PLA2G4A: variants seen among roughly 807,000 people sequenced by gnomAD.
The protein encoded by PLA2G4A is cytosolic phospholipase A2.
In PLA2G4A, 40 loss-of-function variants were observed where a neutral mutation model predicts 81.9. That is an observed-to-expected ratio of 0.49 (90% CI 0.38 to 0.64). PLA2G4A has a LOEUF of 0.64. Ranked by LOEUF, PLA2G4A falls within the 30% of genes least tolerant of loss-of-function variation. The pLI, the probability that PLA2G4A is intolerant of heterozygous loss-of-function variation, is 0.00. For synonymous variants in PLA2G4A, 302 were observed against 296.9 expected, an observed-to-expected ratio of 1.02 and a Z score of -0.18; for missense variants, 715 against 905.1, an observed-to-expected ratio of 0.79 and a Z score of 2.69.
rs1361664907 is a variant in PLA2G4A, at chr1:186,870,485, C to T, written c.84C>T (p.Thr28=). Residue 28 remains threonine, a synonymous_variant, in exon 3 of 18, where the codon ACC becomes ACT. Coordinates refer to ENST00000367466, the MANE Select transcript of PLA2G4A (RefSeq NM_024420.3). Reference sequence around the variant, plus strand: ...TTACGGTAGTGGTGTTACGTGCCACCAAAGTGACAAAGGGGGCCTTTGGTG... The same window carrying T: ...TTACGGTAGTGGTGTTACGTGCCACTAAAGTGACAAAGGGGGCCTTTGGTG... ...HKFTVVVLRA[T]KVTKGAFGDM... The T allele has an allele frequency of 1.2e-6, 2 of 1,611,464 alleles. No individual in the cohort carries two copies. The highest frequency in any genetic ancestry group is 1.3e-5 in the African/African-American group (1 of 74,854).
intron 2 of PLA2G4A, among the ~76,000 whole-genome samples, chr1:186,857,833 A>G (rs1356024212): frequency 1.3e-5 from 2 of 151,930 alleles, no homozygotes; most frequent in Non-Finnish European, 2.9e-5. Flanking sequence ...GTTCCCACCT[A>G]TGAGTGAGAA....
At chr1:186,979,001 A>G (rs1657628070) in intron 16 of PLA2G4A, among the ~76,000 whole-genome samples, 1 of 152,208 alleles carries the variant, frequency 6.6e-6, no homozygotes, top group Non-Finnish European at 1.5e-5. Context: ...AACTCCCTAG[A>G]GTCTTTGGTT....
At position 186,911,383 on chromosome 1, in the gene PLA2G4A, A is replaced by C. The variant is rs920818490; in HGVS notation, c.552A>C (p.Ala184=). The C allele has an allele frequency of 6.2e-7, 1 of 1,609,082 alleles. No individual in the cohort carries two copies. The highest frequency in any genetic ancestry group is 8.5e-7 in the Non-Finnish European group (1 of 1,175,304). The part of the protein sequence containing the change: ...GPKNSEGLHS[A]RDVPVVAILG... ...AGAATAGTGAAGGATTGCATTCTGC[A>C]CGTGATGTGAGTTGGAAATTTTTCA... Residue 184 remains alanine (A), a synonymous_variant, in exon 7 of 18, where the codon GCA becomes GCC. Coordinates refer to ENST00000367466, the MANE Select transcript of PLA2G4A (RefSeq NM_024420.3).
chr1:186,929,870 T>C (rs536637376), intron 7 of PLA2G4A, among the ~76,000 whole-genome samples: 1 of 152,316 alleles, frequency 6.6e-6, no homozygotes, highest in East Asian at 1.9e-4. Context: ...GAGACAAGCC[T>C]GGGCAACATG....
intron 2 of PLA2G4A, among the ~76,000 whole-genome samples, chr1:186,867,569 T>A (rs955648349): frequency 7.2e-5 from 11 of 152,254 alleles, no homozygotes; most frequent in Non-Finnish European, 1.0e-4. Flanking sequence ...CTTGTTATAG[T>A]CACATAATTA....
At chr1:186,961,108 T>A (rs1420966991) in intron 14 of PLA2G4A, among the ~76,000 whole-genome samples, 5 of 152,118 alleles carry the variant, frequency 3.3e-5, no homozygotes, top group South Asian at 2.1e-4. Context: ...GATCTCACTG[T>A]TATGTGCAAT....
chr1:186,936,001 C>A (rs549583046), intron 8 of PLA2G4A, among the ~76,000 whole-genome samples: 1 of 151,832 alleles, frequency 6.6e-6, no homozygotes, highest in Admixed American at 6.6e-5. Context: ...CCTGGAGACC[C>A]GAAATGAGTG....
Position 186,858,815 on chromosome 1 carries a change from T to A in PLA2G4A, c.33+4428T>A, listed in dbSNP as rs566152521. Among the ~76,000 whole-genome samples, 3 of 152,170 alleles carry A rather than the reference T, an allele frequency of 2.0e-5. No homozygotes were observed. In the South Asian group the frequency reaches 6.2e-4, roughly 32 times the overall value. ...CTTAGACAGCAACTAGCATTCTAAT[T>A]TATAGCCCTTTTAAATGAAGAGATC... is the stretch of plus-strand genomic sequence containing the variant. On this transcript the variant is annotated intron_variant, in intron 2 of 17. Transcript: ENST00000367466.
rs186546957 is a variant in PLA2G4A at position 186,973,306 on chromosome 1, A to C, written c.1765-4287A>C. Reference sequence around the variant, plus strand: ...GCTCGCCTTGTGGTTGCATCTCTCCAATCTCTGCCTTCATTTTTGTATGGC... The same window carrying C: ...GCTCGCCTTGTGGTTGCATCTCTCCCATCTCTGCCTTCATTTTTGTATGGC... On this transcript the variant is annotated intron_variant, in intron 15 of 17. Transcript: ENST00000367466. 9.9e-5 allele frequency among the ~76,000 whole-genome samples: 15 copies of C among 152,118 alleles called. No individual in the cohort carries two copies. In the East Asian group the frequency reaches 2.5e-3, roughly 25 times the overall value.
intron 2 of PLA2G4A, among the ~76,000 whole-genome samples, chr1:186,866,718 A>G (rs969496150): frequency 3.3e-5 from 5 of 152,284 alleles, no homozygotes; most frequent in East Asian, 1.9e-4. Context: ...TTGAAAACCC[A>G]TGTAATATTA....
chr1:186,851,308 G>A (rs1652363171), intron 1 of PLA2G4A, among the ~76,000 whole-genome samples: 1 of 151,946 alleles, frequency 6.6e-6, no homozygotes, highest in Non-Finnish European at 1.5e-5. Flanking sequence ...CAATCTAAAG[G>A]CTTCATGCTC....
At position 186,977,708 on chromosome 1, in the gene PLA2G4A, A is replaced by C. The variant is rs1263776630; in HGVS notation, c.1880A>C (p.Asn627Thr). 1 of 1,613,610 alleles carries C rather than the reference A, an allele frequency of 6.2e-7. No homozygotes were observed. The highest frequency in any genetic ancestry group is 1.7e-5 in the Admixed American group (1 of 60,022). Residue 627 changes from asparagine (N) to threonine (T), a missense_variant, in exon 16 of 18, where the codon AAT becomes ACT. Coordinates refer to ENST00000367466, the MANE Select transcript of PLA2G4A (RefSeq NM_024420.3). Reference sequence around the variant, plus strand: ...GAGTGCTATGTCTTTAAACCCAAGAATCCTGATATGGAGAAAGATTGCCCA... The same window carrying C: ...GAGTGCTATGTCTTTAAACCCAAGACTCCTGATATGGAGAAAGATTGCCCA... ...LKECYVFKPK[N>T]PDMEKDCPTI... is the part of the protein sequence containing the mutation.
chr1:186,905,301 A>T (rs969434093), intron 5 of PLA2G4A, among the ~76,000 whole-genome samples: 2 of 152,102 alleles, frequency 1.3e-5, no homozygotes, highest in Non-Finnish European at 2.9e-5. Context: ...TAGAGTTGTA[A>T]TTGTTAATGT....
chr1:186,851,632 T>TA (rs1403416063), intron 1 of PLA2G4A, among the ~76,000 whole-genome samples: 1 of 151,976 alleles, frequency 6.6e-6, no homozygotes, highest in Non-Finnish European at 1.5e-5. Context: ...AAAATGCTGA[T>TA]AATGGGAAGT....
At chr1:186,971,104 AT>A (rs1324033660) in intron 15 of PLA2G4A, among the ~76,000 whole-genome samples, 2 of 151,830 alleles carry the variant, frequency 1.3e-5, no homozygotes, top group Non-Finnish European at 2.9e-5. Context: ...ATCTTTTTGA[AT>A]ACATTGCCTT....
At chr1:186,971,170 A>T (rs1462233571) in intron 15 of PLA2G4A, among the ~76,000 whole-genome samples, 2 of 151,904 alleles carry the variant, frequency 1.3e-5, no homozygotes, top group African/African-American at 4.8e-5. Context: ...TATACTTATT[A>T]TATCATATAC....
At chr1:186,979,678 T>G (rs575163750) in intron 17 of PLA2G4A, among the ~76,000 whole-genome samples, 1 of 152,302 alleles carries the variant, frequency 6.6e-6, no homozygotes, top group African/African-American at 2.4e-5. Context: ...TTTTATGCTA[T>G]TATTTTATTG....
chr1:186,888,746 A>G (rs1002498852), intron 3 of PLA2G4A, among the ~76,000 whole-genome samples: 6 of 152,118 alleles, frequency 3.9e-5, no homozygotes, highest in African/African-American at 1.4e-4. Context: ...TGAATGAATG[A>G]ATGATGTTTG....
intron 15 of PLA2G4A, among the ~76,000 whole-genome samples, chr1:186,973,491 G>A (rs1216977424): frequency 6.6e-6 from 1 of 152,132 alleles, no homozygotes; most frequent in Admixed American, 6.5e-5. Flanking sequence ...TATTCACAGG[G>A]CCGAGGGATT....
Sources: allele counts gnomAD v4.1 joint callset (sites outside exome capture counted in the v4.1 genomes callset), GRCh38; gene constraint gnomAD v4.1.1; transcripts MANE v1.5; gene names NCBI Gene and HGNC (gene_info 2026-07-23, HGNC 2026-07-21).